CYP4F11: variants seen among roughly 807,000 people sequenced by gnomAD.
CYP4F11 encodes cytochrome P450 4F11.
CYP4F11 carries 79 observed loss-of-function variants against 62.2 expected under a neutral mutation model. That is an observed-to-expected ratio of 1.27 (90% CI 1.06 to 1.53). The LOEUF is 1.53. Ranked by LOEUF, CYP4F11 falls within the 40% of genes most tolerant of loss-of-function variation. CYP4F11 has a pLI of 0.00. For synonymous variants in CYP4F11, 290 were observed against 263.7 expected, an observed-to-expected ratio of 1.10 and a Z score of -0.97; for missense variants, 777 against 680.5, an observed-to-expected ratio of 1.14 and a Z score of -1.58.
At chr19:15,928,674 A>G (rs2089687744) in intron 2 of CYP4F11, among the ~76,000 whole-genome samples, 1 of 152,192 alleles carries the variant, frequency 6.6e-6, no homozygotes, top group African/African-American at 2.4e-5. Context: ...TCCTGAGGTT[A>G]TAGCCATAGT....
intron 6 of CYP4F11, among the ~76,000 whole-genome samples, 164 bp downstream of exon 6, chr19:15,923,648 C>A (rs1471551376): frequency 2.6e-5 from 4 of 152,166 alleles, no homozygotes; most frequent in African/African-American, 9.7e-5. Flanking sequence ...AGTCCCCTGC[C>A]AGCTGAATTC....
chr19:15,916,763 C>CAA (rs60785866), intron 8 of CYP4F11, among the ~76,000 whole-genome samples: 2 of 151,818 alleles, frequency 1.3e-5, no homozygotes, highest in Admixed American at 1.3e-4. Flanking sequence ...ACTAAAAAGT[C>CAA]AAAAAACAAT....
At position 15,925,032 on chromosome 19, in the gene CYP4F11, G is replaced by A. The variant is rs1051411622; in HGVS notation, c.526-150C>T. On this transcript the variant is annotated intron_variant, in intron 4 of 11. Transcript: ENST00000402119. ...CAGGAAGGACCAGCCTTGGATAGGA[G>A]CAGAAACTGTTACTATTAGGAGATA... The A allele has an allele frequency of 1.3e-5, 11 of 861,120 alleles. No homozygotes were observed. In the African/African-American group the frequency reaches 1.6e-4, roughly 12 times the overall value. The allele number at this position is 861,120 out of a possible 1,614,324, so 53.3% of individuals were successfully genotyped here.
At chr19:15,915,940 C>A (rs1568481091) in intron 8 of CYP4F11, among the ~76,000 whole-genome samples, 1 of 151,630 alleles carries the variant, frequency 6.6e-6, no homozygotes. Flanking sequence ...TATAAAATAT[C>A]TGAATTAAAT....
chr19:15,929,042 T>C (rs1236722983), intron 2 of CYP4F11, among the ~76,000 whole-genome samples: 1 of 152,198 alleles, frequency 6.6e-6, no homozygotes, highest in African/African-American at 2.4e-5. Flanking sequence ...TACTCATTTT[T>C]CCAGCAACTC....
intron 1 of CYP4F11, among the ~76,000 whole-genome samples, 159 bp from the exon 2 acceptor site, chr19:15,929,760 A>AT (rs1366079605): frequency 6.6e-6 from 1 of 152,190 alleles, no homozygotes; most frequent in Non-Finnish European, 1.5e-5. Flanking sequence ...TCCAGAAGAG[A>AT]TTCACATTTG....
Position 15,927,206 on chromosome 19 carries a change from A to G in CYP4F11, c.525+6T>C. 6.2e-7 allele frequency: 1 copy of G among 1,613,202 alleles called. No individual in the cohort carries two copies. The highest frequency in any genetic ancestry group is 8.5e-7 in the Non-Finnish European group (1 of 1,179,468). ...CCAGCTGGGACCCAGAGTTCAAGGG[A>G]CTCACGTGCATGATGTTCACACTCT... is the stretch of plus-strand genomic sequence containing the variant. On this transcript the variant is annotated splice_donor_region_variant and intron_variant, in intron 4 of 11. Coordinates refer to ENST00000402119, the MANE Select transcript of CYP4F11 (RefSeq NM_021187.4).
chr19:15,919,037 A>G (rs1046401291), intron 8 of CYP4F11, among the ~76,000 whole-genome samples: 1 of 150,862 alleles, frequency 6.6e-6, no homozygotes, highest in Non-Finnish European at 1.5e-5. Flanking sequence ...GTATATATAT[A>G]TATGAAATAC....
At position 15,931,622 on chromosome 19, in the gene CYP4F11, GA is replaced by G. The variant is rs1298737206; in HGVS notation, c.199-2022del. On this transcript the variant is annotated intron_variant, in intron 1 of 11. Coordinates refer to ENST00000402119, the MANE Select transcript of CYP4F11 (RefSeq NM_021187.4). ...TGAGTGAGGAGAGGAATGAGTGAGCGAGGAGAGGAATGAGTGAGCGAGGAGA... is the reference window on the plus strand; with the variant it reads ...TGAGTGAGGAGAGGAATGAGTGAGCGGGAGAGGAATGAGTGAGCGAGGAGA... Among the ~76,000 whole-genome samples the G allele has an allele frequency of 1.1e-3, 88 of 79,274 alleles. 4 individuals carry two copies. Among genetic ancestry groups the G allele is most frequent in the East Asian group, 2.9e-3 (8 of 2,754 alleles). 52.0% of individuals were successfully genotyped at this position (79,274 alleles called of 152,430 possible). A position where few individuals can be genotyped will look rare whatever the true frequency, so the allele number is the denominator to read the frequency against.
At chr19:15,920,005 T>C (rs186641577) in intron 8 of CYP4F11, among the ~76,000 whole-genome samples, 5 of 152,152 alleles carry the variant, frequency 3.3e-5, no homozygotes, top group African/African-American at 1.2e-4. Flanking sequence ...ATCTATTATA[T>C]GCATGGTGAC....
At chr19:15,925,078 G>A (rs1269892432) in intron 4 of CYP4F11, among the ~76,000 whole-genome samples, 196 bp from the exon 5 acceptor site, 1 of 152,118 alleles carries the variant, frequency 6.6e-6, no homozygotes, top group South Asian at 2.1e-4. Context: ...GCTGGGAGTC[G>A]AGAGATCTGG....
At chr19:15,924,137 C>G (rs1228831778) in intron 5 of CYP4F11, 55 bp from the exon 6 acceptor site, 1 of 1,574,568 alleles carries the variant, frequency 6.4e-7, no homozygotes. Context: ...GCACCTCTCA[C>G]CAGCAGCTAG....
At position 15,913,708 on chromosome 19, in the gene CYP4F11, G is replaced by GAGGT; in HGVS notation, c.*20_*23dup. 1 of 1,611,930 alleles carries GAGGT rather than the reference G, an allele frequency of 6.2e-7. No individual in the cohort carries two copies. The highest frequency in any genetic ancestry group is 8.5e-7 in the Non-Finnish European group (1 of 1,178,512). On this transcript the variant is annotated 3_prime_UTR_variant, in exon 12 of 12. Coordinates refer to ENST00000402119, the MANE Select transcript of CYP4F11 (RefSeq NM_021187.4). ...ATAGTTTTGTTTCTGGGACTCTACA[G>GAGGT]AGGTGGGTGGGTGGGTAGGACAGTC...
Position 15,927,234 on chromosome 19 carries a change from T to C in CYP4F11, c.503A>G (p.Asn168Ser). Residue 168 changes from asparagine (N) to serine (S), a missense_variant, in exon 4 of 12, where the codon AAC becomes AGC. Transcript: ENST00000402119. ...CACGTGCATGATGTTCACACTCTTG[T>C]TGAAAATCTTCATATAAGGCTTCAA... ...NILKPYMKIF[N>S]KSVNIMHDKW... is the part of the protein sequence containing the mutation. The C allele has an allele frequency of 6.2e-7, 1 of 1,614,122 alleles. No homozygotes were observed. Among genetic ancestry groups the C allele is most frequent in the Admixed American group, 1.7e-5 (1 of 60,020 alleles).
At chr19:15,921,337 G>T (rs2089627353) in intron 8 of CYP4F11, among the ~76,000 whole-genome samples, 3 of 152,182 alleles carry the variant, frequency 2.0e-5, no homozygotes. Flanking sequence ...CTCCTGAGTG[G>T]CTGGGATTAC....
chr19:15,920,918 C>G (rs1037420968), intron 8 of CYP4F11, among the ~76,000 whole-genome samples: 3 of 151,590 alleles, frequency 2.0e-5, no homozygotes, highest in African/African-American at 7.3e-5. Context: ...TTCTCTCTTG[C>G]TTTCCTTCTC....
Position 15,913,645 on chromosome 19 carries a change from A to C in CYP4F11, c.*87T>G. The C allele has an allele frequency of 2.0e-6, 3 of 1,535,986 alleles. No homozygotes were observed. Among genetic ancestry groups the C allele is most frequent in the Non-Finnish European group, 2.7e-6 (3 of 1,122,134 alleles). On this transcript the variant is annotated 3_prime_UTR_variant, in exon 12 of 12. Coordinates refer to ENST00000402119, the MANE Select transcript of CYP4F11 (RefSeq NM_021187.4). ...GATCCCACCAGTCCCCAGGAGCCCCATGCTGGCTGTCAACGAGGCTCAAGC... is the reference window on the plus strand; with the variant it reads ...GATCCCACCAGTCCCCAGGAGCCCCCTGCTGGCTGTCAACGAGGCTCAAGC...
At chr19:15,923,429 G>A (rs2089644684) in intron 6 of CYP4F11, among the ~76,000 whole-genome samples, 1 of 152,102 alleles carries the variant, frequency 6.6e-6, no homozygotes, top group Non-Finnish European at 1.5e-5. Context: ...TACCCTAGAA[G>A]GAATATGGGA....
At chr19:15,920,867 C>T (rs1007445414) in intron 8 of CYP4F11, among the ~76,000 whole-genome samples, 1 of 152,150 alleles carries the variant, frequency 6.6e-6, no homozygotes, top group African/African-American at 2.4e-5. Flanking sequence ...GTTTCTCCCT[C>T]TCTATTCATC....
Sources: gnomAD v4.1 joint callset for allele counts (sites outside exome capture counted in the v4.1 genomes callset) on GRCh38, gnomAD v4.1.1 for gene constraint, MANE v1.5 for transcripts, NCBI Gene and HGNC (gene_info 2026-07-23, HGNC 2026-07-21) for gene names.